Variants in WDR89 observed in about 807,000 individuals in gnomAD.
WDR89 encodes the protein WD repeat-containing protein 89.
In WDR89, 17 loss-of-function variants were observed where a neutral mutation model predicts 29.1. The ratio of observed to expected loss-of-function variants is 0.58; its 90% confidence interval spans 0.40 to 0.88. The LOEUF (loss-of-function observed/expected upper bound fraction) is 0.88, where lower values mean the gene tolerates loss of function less well. Ranked by LOEUF, WDR89 falls within the 40% of genes least tolerant of loss-of-function variation. The pLI, the probability that WDR89 is intolerant of heterozygous loss-of-function variation, is 0.00. For missense variants in WDR89, 396 were observed against 456.3 expected, an observed-to-expected ratio of 0.87 and a Z score of 1.20; for synonymous variants, 138 against 157.8, an observed-to-expected ratio of 0.87 and a Z score of 0.94.
At chr14:63,628,251 A>G (rs2139560164) in intron 1 of WDR89, among the ~76,000 whole-genome samples, 1 of 152,314 alleles carries the variant, frequency 6.6e-6, no homozygotes, top group South Asian at 2.1e-4. Flanking sequence ...AAAAAATCTA[A>G]AATAGTTTAA....
intron 2 of WDR89, chr14:63,601,705 T>C: frequency 1.3e-6 from 2 of 1,596,004 alleles, no homozygotes; most frequent in East Asian, 2.2e-5. Context: ...CGTGTGAAAG[T>C]TGGAGATAAA....
At chr14:63,611,335 CAAAAAAAAAAAAA>C (rs769975882) in intron 2 of WDR89, among the ~76,000 whole-genome samples, 1 of 22,920 alleles carries the variant, frequency 4.4e-5, no homozygotes, top group Non-Finnish European at 9.4e-5. Flanking sequence ...GGCCCTGTCG[CAAAAAAAAAAAAA>C]AAAAAAAAAA....
At chr14:63,604,061 A>G (rs1197522083) in intron 2 of WDR89, among the ~76,000 whole-genome samples, 1 of 152,184 alleles carries the variant, frequency 6.6e-6, no homozygotes, top group Non-Finnish European at 1.5e-5. Flanking sequence ...GAGTCTCTCC[A>G]CTGCCAATCA....
chr14:63,634,391 G>A (rs907572460), intron 1 of WDR89, among the ~76,000 whole-genome samples: 1 of 152,042 alleles, frequency 6.6e-6, no homozygotes, highest in Admixed American at 6.6e-5. Flanking sequence ...GCCTGGTGGT[G>A]GGTGCCTGTA....
At chr14:63,613,449 T>A (rs1882114469) in intron 2 of WDR89, among the ~76,000 whole-genome samples, 1 of 152,122 alleles carries the variant, frequency 6.6e-6, no homozygotes, top group African/African-American at 2.4e-5. Context: ...ATTTTAGTCA[T>A]TTCTTTCATA....
Position 63,622,499 on chromosome 14 carries a change from T to C in WDR89, c.-32+2429A>G, listed in dbSNP as rs188262641. Among the ~76,000 whole-genome samples the C allele has an allele frequency of 4.5e-3, 678 of 152,344 alleles. 5 individuals are homozygous for C. Among genetic ancestry groups the C allele is most frequent in the African/African-American group, 0.015 (644 of 41,580 alleles). Reference sequence around the variant, plus strand: ...GGGAGGCTGAGACAGGAGAATCGCTTGAACCCAGGGGGTGGAGGTTGCAGT... The same window carrying C: ...GGGAGGCTGAGACAGGAGAATCGCTCGAACCCAGGGGGTGGAGGTTGCAGT... On this transcript the variant is annotated intron_variant, in intron 2 of 2. Coordinates refer to ENST00000620954, the MANE Select transcript of WDR89 (RefSeq NM_080666.4).
Position 63,599,914 on chromosome 14 carries a change from T to C in WDR89, c.29A>G (p.Asn10Ser). The C allele has an allele frequency of 6.2e-7, 1 of 1,604,510 alleles. No individual in the cohort carries two copies. Among genetic ancestry groups the C allele is most frequent in the South Asian group, 1.1e-5 (1 of 90,044 alleles). Residue 10 changes from asparagine (N) to serine (S), a missense_variant, in exon 3 of 3, where the codon AAT (asparagine) becomes AGT (serine). By Grantham distance (46) the Asn-to-Ser change is conservative. Coordinates refer to ENST00000620954, the MANE Select transcript of WDR89 (RefSeq NM_080666.4). Reference sequence around the variant, plus strand: ...TAAGGAACATTTAACAATGTGCAGATTAGCAAATTGTTCCTCAATCTTTTC... The same window carrying C: ...TAAGGAACATTTAACAATGTGCAGACTAGCAAATTGTTCCTCAATCTTTTC... MEKIEEQFA[N>S]LHIVKCSLGT...
At chr14:63,605,166 C>CTCTA (rs1895255353) in intron 2 of WDR89, among the ~76,000 whole-genome samples, 1 of 143,892 alleles carries the variant, frequency 6.9e-6, no homozygotes, top group Non-Finnish European at 1.5e-5. Flanking sequence ...CTCTCTCTCT[C>CTCTA]TATATATATA....
chr14:63,631,258 T>C (rs1883381437), intron 1 of WDR89, among the ~76,000 whole-genome samples: 1 of 152,206 alleles, frequency 6.6e-6, no homozygotes. Flanking sequence ...CTAAAAGAGA[T>C]AATGGAGTTC....
Position 63,599,981 on chromosome 14 carries a change from A to C in WDR89, c.-31-8T>G. 1 of 1,333,716 alleles carries C rather than the reference A, an allele frequency of 7.5e-7. No homozygotes were observed. The highest frequency in any genetic ancestry group is 9.8e-7 in the Non-Finnish European group (1 of 1,021,946). 82.6% of individuals were successfully genotyped at this position (1,333,716 alleles called of 1,614,324 possible). On this transcript the variant is annotated splice_polypyrimidine_tract_variant and splice_region_variant and intron_variant, in intron 2 of 2. Transcript: ENST00000620954. The stretch of plus-strand genomic sequence containing the variant: ...TCCAAGGGTAGTAAAACTCTGTAAA[A>C]AATAATAATAATAAAAATAAAAATT...
chr14:63,631,592 G>A (rs1416934593), intron 1 of WDR89, among the ~76,000 whole-genome samples: 1 of 151,858 alleles, frequency 6.6e-6, no homozygotes, highest in Non-Finnish European at 1.5e-5. Flanking sequence ...ATGTTGCTCA[G>A]GCTGTTCCTG....
chr14:63,619,823 A>G (rs1352847163), intron 2 of WDR89, among the ~76,000 whole-genome samples: 3 of 151,910 alleles, frequency 2.0e-5, no homozygotes, highest in Non-Finnish European at 4.4e-5. Context: ...TGGCCAACAT[A>G]GTGAAACCCC....
intron 1 of WDR89, among the ~76,000 whole-genome samples, chr14:63,626,130 G>A (rs899925851): frequency 6.6e-6 from 1 of 152,090 alleles, no homozygotes; most frequent in Admixed American, 6.6e-5. Flanking sequence ...AGGATCACAG[G>A]TGTGAGCCAC....
At chr14:63,637,855 T>C (rs1595042683) in intron 1 of WDR89, among the ~76,000 whole-genome samples, 1 of 152,072 alleles carries the variant, frequency 6.6e-6, no homozygotes, top group Non-Finnish European at 1.5e-5. Flanking sequence ...TAGTGTATAC[T>C]ACTCAGGTGA....
At chr14:63,640,062 G>A (rs1454438152) in intron 1 of WDR89, among the ~76,000 whole-genome samples, 1 of 152,228 alleles carries the variant, frequency 6.6e-6, no homozygotes. Flanking sequence ...TCTAAGGTAA[G>A]AATACAAACC....
chr14:63,633,243 A>G (rs1476824717), intron 1 of WDR89, among the ~76,000 whole-genome samples: 2 of 151,864 alleles, frequency 1.3e-5, no homozygotes, highest in Non-Finnish European at 2.9e-5. Flanking sequence ...GTGTGTAAGT[A>G]TATATATATA....
intron 1 of WDR89, among the ~76,000 whole-genome samples, chr14:63,629,472 A>G (rs994107585): frequency 6.6e-6 from 1 of 152,206 alleles, no homozygotes; most frequent in Admixed American, 6.5e-5. Context: ...AAAGTCTGAC[A>G]ATCAGTGGTT....
intron 2 of WDR89, among the ~76,000 whole-genome samples, chr14:63,623,703 CAAAAAAAAAA>C (rs34839479): frequency 1.8e-4 from 7 of 39,090 alleles, no homozygotes; most frequent in African/African-American, 5.6e-4. Flanking sequence ...GACTCTGTCT[CAAAAAAAAAA>C]AAAAAAAAAA....
At chr14:63,608,392 A>C (rs1431856546) in intron 2 of WDR89, among the ~76,000 whole-genome samples, 5 of 152,144 alleles carry the variant, frequency 3.3e-5, no homozygotes, top group Non-Finnish European at 5.9e-5. Flanking sequence ...AAAAATAAAT[A>C]AATCAATAAA....
Sources: gnomAD v4.1 joint callset for allele counts (sites outside exome capture counted in the v4.1 genomes callset) on GRCh38, gnomAD v4.1.1 for gene constraint, MANE v1.5 for transcripts, NCBI Gene and HGNC (gene_info 2026-07-23, HGNC 2026-07-21) for gene names.